Variants in OSBP2 observed in about 807,000 individuals in gnomAD.
The protein encoded by OSBP2 is oxysterol-binding protein 2.
In OSBP2, 66 loss-of-function variants were observed where a neutral mutation model predicts 96.0. That is an observed-to-expected ratio of 0.69 (90% confidence interval 0.56 to 0.84). The LOEUF (loss-of-function observed/expected upper bound fraction) is 0.84, where lower values mean the gene tolerates loss of function less well. Ranked by LOEUF, OSBP2 falls within the 40% of genes least tolerant of loss-of-function variation. OSBP2 has a pLI of 0.00. For synonymous variants in OSBP2, 525 were observed against 520.9 expected (o/e 1.01, Z -0.11); for missense variants, 1,038 against 1,222.7 (o/e 0.85, Z 2.25).
At chr22:30,877,451 G>A (rs912159616) in intron 3 of OSBP2, among the ~76,000 whole-genome samples, 5 of 152,148 alleles carry the variant, frequency 3.3e-5, no homozygotes, top group Non-Finnish European at 7.4e-5. Flanking sequence ...TCATAGCAGC[G>A]TCCTCCCTGA....
At chr22:30,905,753 C>T in intron 12 of OSBP2, 84 bp from the exon 13 acceptor site, 2 of 1,455,070 alleles carry the variant, frequency 1.4e-6, no homozygotes, top group Non-Finnish European at 9.3e-7. Flanking sequence ...CGGGAGGAGA[C>T]ACCGCCAGGC....
chr22:30,760,584 T>C (rs11913828), intron 2 of OSBP2, among the ~76,000 whole-genome samples: 9,077 of 152,114 alleles, frequency 0.06, 907 homozygotes, highest in African/African-American at 0.21. Flanking sequence ...GGAAGGCCAA[T>C]GCAGGCAGAT....
intron 1 of OSBP2, among the ~76,000 whole-genome samples, chr22:30,720,169 A>G (rs2089525577): frequency 6.6e-6 from 1 of 152,166 alleles, no homozygotes. Context: ...TCTCAGTGTT[A>G]CTGTGTATTA....
At chr22:30,835,182 T>C (rs61467505) in intron 2 of OSBP2, among the ~76,000 whole-genome samples, 8,182 of 152,210 alleles carry the variant, frequency 0.054, 726 homozygotes, top group African/African-American at 0.18. Flanking sequence ...TTTTTTGTTT[T>C]GTCATCTGTG....
rs1367321764 is a variant in OSBP2, at chr22:30,870,376, C to G, written c.854-53C>G. On this transcript the variant is annotated intron_variant, in intron 2 of 13. Coordinates refer to ENST00000332585, the MANE Select transcript of OSBP2 (RefSeq NM_030758.4). This position sits in a 1 kb window ranked among gnomAD's most constrained non-coding sequence, Gnocchi z 4.1. ...CTGCTCGGCCTGGCTGTGCAGGCCT[C>G]TTGGTACCACGTCTGTTCGTAATGA... is the stretch of plus-strand genomic sequence containing the variant. 8.1e-6 allele frequency: 13 copies of G among 1,597,218 alleles called. No individual in the cohort carries two copies. Among genetic ancestry groups the G allele is most frequent in the Non-Finnish European group, 1.0e-5 (12 of 1,171,948 alleles).
At chr22:30,727,261 A>G (rs1040504840) in intron 1 of OSBP2, among the ~76,000 whole-genome samples, 3 of 152,144 alleles carry the variant, frequency 2.0e-5, no homozygotes, top group Non-Finnish European at 4.4e-5. Context: ...TTGACCTGAG[A>G]GGTAGAAGAA....
chr22:30,786,239 T>G (rs897757525), intron 2 of OSBP2, among the ~76,000 whole-genome samples: 20 of 152,130 alleles, frequency 1.3e-4, no homozygotes, highest in African/African-American at 4.8e-4. Context: ...GCCAGGCTGG[T>G]CTCGAACTCC....
chr22:30,824,904 C>G (rs1002834984), intron 2 of OSBP2, among the ~76,000 whole-genome samples: 14 of 152,106 alleles, frequency 9.2e-5, no homozygotes, highest in Non-Finnish European at 1.6e-4. Flanking sequence ...CTGGAGGTCC[C>G]GTGGTATAGC....
rs544780710 is a variant in OSBP2, at chr22:30,820,043, A to T, written c.854-50386A>T. On this transcript the variant is annotated intron_variant, in intron 2 of 13. Transcript: ENST00000332585. ...TTCTTGCACATGCAAATCCTTAAAA[A>T]CAAATTGCCTGTATGTTTCTGAACG... 2.6e-5 allele frequency among the ~76,000 whole-genome samples: 4 copies of T among 152,320 alleles called. No homozygotes were observed. In the South Asian group the frequency reaches 8.3e-4, roughly 32 times the overall value.
At chr22:30,699,966 CTTTT>C (rs1015256785) in intron 1 of OSBP2, among the ~76,000 whole-genome samples, 2 of 141,088 alleles carry the variant, frequency 1.4e-5, no homozygotes, top group Admixed American at 7.2e-5. Context: ...TTCTTTTTTT[CTTTT>C]TTTTTTTTTT....
chr22:30,737,958 C>T (rs773289877), intron 1 of OSBP2, among the ~76,000 whole-genome samples: 19 of 151,812 alleles, frequency 1.3e-4, no homozygotes, highest in Admixed American at 5.2e-4. Flanking sequence ...GTGATCCACC[C>T]GGCTCGGCCT....
At chr22:30,709,141 A>G (rs1411676770) in intron 1 of OSBP2, among the ~76,000 whole-genome samples, 1 of 152,106 alleles carries the variant, frequency 6.6e-6, no homozygotes, top group African/African-American at 2.4e-5. Flanking sequence ...ATAAACAAAA[A>G]CATATCCACA....
At chr22:30,716,187 G>A (rs2089453030) in intron 1 of OSBP2, among the ~76,000 whole-genome samples, 1 of 151,274 alleles carries the variant, frequency 6.6e-6, no homozygotes, top group Non-Finnish European at 1.5e-5. Flanking sequence ...GATTACAGGT[G>A]CCTGCCACCA....
At chr22:30,829,002 C>T (rs970655816) in intron 2 of OSBP2, among the ~76,000 whole-genome samples, 11 of 152,138 alleles carry the variant, frequency 7.2e-5, no homozygotes, top group Non-Finnish European at 1.3e-4. Context: ...CAGCCCTGTG[C>T]GCTTGTGGCT....
Position 30,730,774 on chromosome 22 carries a change from C to CTCTCTGTCTA in OSBP2, c.645-10386_645-10385insCTCTGTCTAT, listed in dbSNP as rs1569100458. Among the ~76,000 whole-genome samples the CTCTCTGTCTA allele has an allele frequency of 1.4e-4, 2 of 13,836 alleles. 1 individual carries two copies. The highest frequency in any genetic ancestry group is 2.7e-4 in the Non-Finnish European group (2 of 7,388). 9.1% of individuals were successfully genotyped at this position (13,836 alleles called of 152,430 possible). A position where few individuals can be genotyped will look rare whatever the true frequency, so the allele number is the denominator to read the frequency against. The stretch of plus-strand genomic sequence containing the variant: ...TCTCTCTCTCTCTCTCTCTCTCTCT[C>CTCTCTGTCTA]TATATATATATATATATATATATAT... On this transcript the variant is annotated intron_variant, in intron 1 of 13. Transcript: ENST00000332585.
At chr22:30,886,198 T>A (rs1467949045) in intron 3 of OSBP2, among the ~76,000 whole-genome samples, 1 of 152,186 alleles carries the variant, frequency 6.6e-6, no homozygotes, top group Non-Finnish European at 1.5e-5. Flanking sequence ...GAGGCAGCAA[T>A]CAAATACATT....
chr22:30,781,555 T>C (rs2090519637), intron 2 of OSBP2, among the ~76,000 whole-genome samples: 1 of 152,176 alleles, frequency 6.6e-6, no homozygotes, highest in African/African-American at 2.4e-5. Context: ...AATGGAATCC[T>C]ATCTGATATA....
chr22:30,879,153 T>G (rs1003161693), intron 3 of OSBP2, among the ~76,000 whole-genome samples: 4 of 152,192 alleles, frequency 2.6e-5, no homozygotes, highest in Middle Eastern at 3.2e-3. Context: ...TGGGGCTCCT[T>G]AGGCCAACCC....
chr22:30,896,671 A>G (rs2040075128), intron 12 of OSBP2, among the ~76,000 whole-genome samples: 1 of 150,526 alleles, frequency 6.6e-6, no homozygotes, highest in African/African-American at 2.5e-5. Context: ...TTTAAGAGAC[A>G]GAGTCTCGCT....
Sources: gnomAD v4.1 joint callset for allele counts (sites outside exome capture counted in the v4.1 genomes callset) on GRCh38, gnomAD v4.1.1 for gene constraint, Gnocchi (gnomAD v3.1) non-coding constraint, MANE v1.5 for transcripts, NCBI Gene and HGNC (gene_info 2026-07-23, HGNC 2026-07-21) for gene names.